The following PXDNL variants were observed in gnomAD, a reference collection of about 807,000 sequenced individuals.
The protein encoded by PXDNL is probable oxidoreductase PXDNL.
A neutral mutation model predicts 150.8 loss-of-function variants in PXDNL; 145 were observed. The ratio of observed to expected loss-of-function variants is 0.96; its 90% CI spans 0.84 to 1.10. The LOEUF is 1.10. Among genes scored for constraint, PXDNL ranks in the 50% least tolerant of loss-of-function variants. PXDNL has a pLI of 0.00. For missense variants in PXDNL, 2,087 were observed against 1,873.9 expected (o/e 1.11, Z -2.10); for synonymous variants, 757 against 725.7 (o/e 1.04, Z -0.69).
chr8:51,444,479 G>A (rs1809625266), intron 12 of PXDNL, among the ~76,000 whole-genome samples: 1 of 152,106 alleles, frequency 6.6e-6, no homozygotes, highest in Admixed American at 6.6e-5. Context: ...TAATTCAAGA[G>A]AACATTCCTT....
At chr8:51,381,032 A>G (rs1218932140) in intron 17 of PXDNL, among the ~76,000 whole-genome samples, 3 of 152,178 alleles carry the variant, frequency 2.0e-5, no homozygotes, top group African/African-American at 7.2e-5. Context: ...TGAGTTTTCA[A>G]TGCTTTGTTT....
At chr8:51,735,842 G>A (rs903516650) in intron 1 of PXDNL, among the ~76,000 whole-genome samples, 11 of 152,004 alleles carry the variant, frequency 7.2e-5, no homozygotes, top group African/African-American at 2.4e-4. Context: ...CACCGCGCCC[G>A]GCCTAAAAAT....
At chr8:51,640,647 G>T (rs1814727355) in intron 2 of PXDNL, among the ~76,000 whole-genome samples, 1 of 152,168 alleles carries the variant, frequency 6.6e-6, no homozygotes, top group Admixed American at 6.5e-5. Context: ...CACCTTACAA[G>T]GGACGTGAAT....
In PXDNL at chr8:51,435,115, G is replaced by T. The variant is rs565412678; in HGVS notation, c.1526-8357C>A. On this transcript the variant is annotated intron_variant, in intron 12 of 22. Coordinates refer to ENST00000356297, the MANE Select transcript of PXDNL (RefSeq NM_144651.5). ...GGGCAGATCACAAGGTCAGGAGATC[G>T]GAGACCATCCTGGCTAACATGGTGA... Among the ~76,000 whole-genome samples the T allele has an allele frequency of 2.0e-5, 3 of 151,962 alleles. No homozygotes were observed. The South Asian group carries it at 6.2e-4, about 32-fold the overall frequency.
At chr8:51,541,395 C>T (rs73586750) in intron 4 of PXDNL, among the ~76,000 whole-genome samples, 7,916 of 152,202 alleles carry the variant, frequency 0.052, 495 homozygotes, top group African/African-American at 0.15. Context: ...ATAGCCTTTC[C>T]ACTAAGGTGA....
chr8:51,482,167 T>C (rs1334594386), intron 6 of PXDNL, among the ~76,000 whole-genome samples: 2 of 152,208 alleles, frequency 1.3e-5, no homozygotes, highest in Non-Finnish European at 2.9e-5. Context: ...CCCAAGACCA[T>C]GGGAGCCCAT....
chr8:51,649,512 G>T (rs909906666), intron 2 of PXDNL, among the ~76,000 whole-genome samples: 1 of 151,998 alleles, frequency 6.6e-6, no homozygotes, highest in Admixed American at 6.6e-5. Context: ...GTGATCCAAG[G>T]AGTAAAACAA....
intron 2 of PXDNL, among the ~76,000 whole-genome samples, chr8:51,644,405 C>CATATATATATACACAT (rs10685147): frequency 2.4e-5 from 2 of 82,714 alleles, no homozygotes; most frequent in Non-Finnish European, 5.2e-5. Context: ...TATATATACA[C>CATATATATATACACAT]ATGTGTGTGT....
intron 1 of PXDNL, among the ~76,000 whole-genome samples, chr8:51,728,661 G>A (rs566298188): frequency 1.3e-5 from 2 of 152,236 alleles, no homozygotes; most frequent in South Asian, 4.1e-4. Context: ...TGTTTGTACA[G>A]CTGTAAAATG....
chr8:51,327,897 G>C (rs1239763770), intron 21 of PXDNL, among the ~76,000 whole-genome samples: 1 of 145,220 alleles, frequency 6.9e-6, no homozygotes, highest in Non-Finnish European at 1.5e-5. Flanking sequence ...GATAACAAGA[G>C]AGGCAGCAAC....
chr8:51,509,891 T>C (rs370329623), intron 4 of PXDNL, among the ~76,000 whole-genome samples: 1 of 151,938 alleles, frequency 6.6e-6, no homozygotes, highest in Admixed American at 6.6e-5. Context: ...TGTTCATTTA[T>C]TAGTTTTAAA....
At chr8:51,325,297 T>C (rs573737312) in intron 21 of PXDNL, among the ~76,000 whole-genome samples, 2 of 152,128 alleles carry the variant, frequency 1.3e-5, no homozygotes, top group South Asian at 4.1e-4. Context: ...AACCTGGAGG[T>C]TTTGGATCTT....
intron 17 of PXDNL, among the ~76,000 whole-genome samples, chr8:51,402,727 ATCT>A (rs1257292663): frequency 6.6e-6 from 1 of 152,182 alleles, no homozygotes; most frequent in African/African-American, 2.4e-5. Flanking sequence ...TGAATAACTG[ATCT>A]TCACCTTCTG....
chr8:51,590,461 G>A (rs766508358), intron 3 of PXDNL, among the ~76,000 whole-genome samples: 11 of 152,154 alleles, frequency 7.2e-5, no homozygotes, highest in Non-Finnish European at 1.5e-4. Context: ...TCCAACCCAA[G>A]AGAACTGAAG....
chr8:51,754,767 T>G (rs2037082057), intron 1 of PXDNL, among the ~76,000 whole-genome samples: 1 of 152,168 alleles, frequency 6.6e-6, no homozygotes, highest in Non-Finnish European at 1.5e-5. Context: ...CCTCCCAAAG[T>G]GCTGGGATTA....
intron 19 of PXDNL, among the ~76,000 whole-genome samples, chr8:51,355,059 G>A (rs754926321): frequency 6.6e-6 from 1 of 152,122 alleles, no homozygotes; most frequent in Non-Finnish European, 1.5e-5. Context: ...TCCTTATGGT[G>A]TTCTATTAAA....
At chr8:51,445,121 T>G (rs1391179029) in intron 12 of PXDNL, among the ~76,000 whole-genome samples, 1 of 152,146 alleles carries the variant, frequency 6.6e-6, no homozygotes, top group Non-Finnish European at 1.5e-5. Context: ...GGTTTCACCA[T>G]GTTGGCCAGG....
At chr8:51,379,937 T>C (rs1462735676) in intron 17 of PXDNL, among the ~76,000 whole-genome samples, 2 of 152,184 alleles carry the variant, frequency 1.3e-5, no homozygotes, top group East Asian at 3.8e-4. Flanking sequence ...TTCTTGCAGC[T>C]CTTTCAAATA....
At chr8:51,341,335 G>A (rs1431695292) in intron 20 of PXDNL, among the ~76,000 whole-genome samples, 1 of 152,132 alleles carries the variant, frequency 6.6e-6, no homozygotes, top group African/African-American at 2.4e-5. Flanking sequence ...GATGAGTTTG[G>A]ACATGTGCAT....
Sources: allele counts gnomAD v4.1 joint callset (sites outside exome capture counted in the v4.1 genomes callset), GRCh38; gene constraint gnomAD v4.1.1; transcripts MANE v1.5; gene names NCBI Gene and HGNC (gene_info 2026-07-23, HGNC 2026-07-21).